The following LRRIQ3 variants were observed in gnomAD, a reference collection of about 807,000 sequenced individuals.
LRRIQ3 encodes leucine rich repeats and IQ motif containing 3.
LRRIQ3 carries 75 observed loss-of-function variants against 59.3 expected under a neutral mutation model. The ratio of observed to expected loss-of-function variants is 1.26; its 90% CI spans 1.05 to 1.53. The LOEUF is 1.53. Ranked by LOEUF, LRRIQ3 falls within the 40% of genes most tolerant of loss-of-function variation. The pLI is 0.00. For missense variants in LRRIQ3, 831 were observed against 710.0 expected, an observed-to-expected ratio of 1.17 and a Z score of -1.94; for synonymous variants, 250 against 231.3, an observed-to-expected ratio of 1.08 and a Z score of -0.73.
chr1:74,189,691 A>C (rs1260330454), intron 1 of LRRIQ3, among the ~76,000 whole-genome samples: 1 of 152,068 alleles, frequency 6.6e-6, no homozygotes, highest in Non-Finnish European at 1.5e-5. Flanking sequence ...GTAGTGAATA[A>C]GTCTCATGAG....
chr1:74,052,103 A>G (rs2100418395), intron 6 of LRRIQ3, among the ~76,000 whole-genome samples: 1 of 152,184 alleles, frequency 6.6e-6, no homozygotes, highest in African/African-American at 2.4e-5. Context: ...TTTTTCCTCT[A>G]AGATCAGGAT....
chr1:74,111,302 G>C (rs962635620), intron 4 of LRRIQ3, among the ~76,000 whole-genome samples: 6 of 151,910 alleles, frequency 3.9e-5, no homozygotes, highest in African/African-American at 1.2e-4. Flanking sequence ...TAAGTAAATT[G>C]CTTTTTACAT....
chr1:74,097,016 G>A (rs1430603360), intron 5 of LRRIQ3, among the ~76,000 whole-genome samples: 1 of 152,146 alleles, frequency 6.6e-6, no homozygotes, highest in Non-Finnish European at 1.5e-5. Context: ...TGAGGAGGCA[G>A]TCTGTCTGTT....
intron 7 of LRRIQ3, among the ~76,000 whole-genome samples, chr1:74,034,031 G>T (rs888751664): frequency 1.3e-5 from 2 of 151,804 alleles, no homozygotes; most frequent in African/African-American, 4.8e-5. Flanking sequence ...ACTCCTGTGG[G>T]TATTTTATTA....
intron 6 of LRRIQ3, among the ~76,000 whole-genome samples, chr1:74,045,723 G>A (rs1181456895): frequency 6.6e-6 from 1 of 152,148 alleles, no homozygotes; most frequent in Non-Finnish European, 1.5e-5. Flanking sequence ...CATCATCTCA[G>A]CCCAAAATCT....
intron 4 of LRRIQ3, among the ~76,000 whole-genome samples, chr1:74,118,014 C>A (rs1557623770): frequency 6.6e-6 from 1 of 150,808 alleles, no homozygotes. Flanking sequence ...TAAAACATAA[C>A]CATTTAAAAG....
chr1:74,188,840 T>C (rs1315560890), intron 1 of LRRIQ3, among the ~76,000 whole-genome samples: 1 of 152,168 alleles, frequency 6.6e-6, no homozygotes, highest in Non-Finnish European at 1.5e-5. Context: ...ACAAAGTCTC[T>C]CCCATTTCGG....
At position 74,073,009 on chromosome 1, in the gene LRRIQ3, C is replaced by T. The variant is rs185501569; in HGVS notation, c.997+1652G>A. 2.3e-3 allele frequency among the ~76,000 whole-genome samples: 346 copies of T among 151,982 alleles called. 4 individuals carry two copies. The highest frequency in any genetic ancestry group is 7.5e-3 in the African/African-American group (313 of 41,472). On this transcript the variant is annotated intron_variant, in intron 6 of 7. Transcript: ENST00000354431. Reference sequence around the variant, plus strand: ...GAAGGTTGATTTCTTTCTTTCAATGCCTTGAGATTATTGAGAGCATAAAAA... The same window carrying T: ...GAAGGTTGATTTCTTTCTTTCAATGTCTTGAGATTATTGAGAGCATAAAAA...
At chr1:74,086,255 T>C (rs1646326655) in intron 5 of LRRIQ3, among the ~76,000 whole-genome samples, 2 of 152,152 alleles carry the variant, frequency 1.3e-5, no homozygotes, top group South Asian at 4.1e-4. Flanking sequence ...CCTAAGCCTC[T>C]ATTCTACCTA....
At chr1:74,155,551 T>C in intron 4 of LRRIQ3, 182 bp downstream of exon 4, 3 of 393,784 alleles carry the variant, frequency 7.6e-6, no homozygotes. Flanking sequence ...CAAATGTTGA[T>C]TATGTTAAAT....
chr1:74,071,172 A>G (rs1655018891), intron 6 of LRRIQ3, among the ~76,000 whole-genome samples: 1 of 151,922 alleles, frequency 6.6e-6, no homozygotes, highest in South Asian at 2.1e-4. Context: ...GTAGTTATAT[A>G]TAGTTATATA....
At chr1:74,108,958 G>A (rs1646650604) in intron 5 of LRRIQ3, 2 of 325,088 alleles carry the variant, frequency 6.2e-6, no homozygotes, top group Non-Finnish European at 5.9e-6. Flanking sequence ...GATATAGTAG[G>A]CATTCAATCA....
intron 4 of LRRIQ3, among the ~76,000 whole-genome samples, chr1:74,150,091 C>T (rs563764532): frequency 1.3e-5 from 2 of 152,158 alleles, no homozygotes. Context: ...GAGATGTGCC[C>T]CTTTCTGCCA....
intron 4 of LRRIQ3, among the ~76,000 whole-genome samples, chr1:74,137,896 G>C (rs1026702248): frequency 2.5e-4 from 36 of 145,990 alleles, no homozygotes; most frequent in Admixed American, 8.9e-4. Flanking sequence ...TGAACAATGA[G>C]AACACAGGAC....
chr1:74,155,634 A>T, intron 4 of LRRIQ3, 99 bp downstream of exon 4: 1 of 1,076,600 alleles, frequency 9.3e-7, no homozygotes, highest in Non-Finnish European at 1.3e-6. Flanking sequence ...TTAATGATAG[A>T]GAATACAAAA....
intron 4 of LRRIQ3, among the ~76,000 whole-genome samples, 193 bp from the exon 5 acceptor site, chr1:74,109,746 AAATG>A (rs1224307917): frequency 1.3e-5 from 2 of 151,794 alleles, no homozygotes; most frequent in African/African-American, 4.8e-5. Context: ...ATCAGAGGAT[AAATG>A]AATGCTGAGA....
chr1:74,172,854 C>A (rs1649410583), intron 3 of LRRIQ3, among the ~76,000 whole-genome samples: 1 of 151,980 alleles, frequency 6.6e-6, no homozygotes, highest in Non-Finnish European at 1.5e-5. Context: ...TAATTAAAGC[C>A]TACTTTTTTA....
intron 6 of LRRIQ3, among the ~76,000 whole-genome samples, chr1:74,073,682 G>A (rs1289846487): frequency 6.6e-6 from 1 of 151,668 alleles, no homozygotes; most frequent in Admixed American, 6.6e-5. Flanking sequence ...TAAAGCCACT[G>A]GCAATGAGGA....
At chr1:74,037,536 T>C (rs1293933468) in intron 7 of LRRIQ3, among the ~76,000 whole-genome samples, 3 of 152,080 alleles carry the variant, frequency 2.0e-5, no homozygotes, top group Non-Finnish European at 2.9e-5. Context: ...CTCAGGAGGC[T>C]GAGGCAGGAG....
Sources: allele counts gnomAD v4.1 joint callset (sites outside exome capture counted in the v4.1 genomes callset), GRCh38; gene constraint gnomAD v4.1.1; transcripts MANE v1.5; gene names NCBI Gene and HGNC (gene_info 2026-07-23, HGNC 2026-07-21).